DIAPH2: variants seen among roughly 807,000 people sequenced by gnomAD.
DIAPH2 encodes the protein diaphanous related formin 2, also known as protein diaphanous homolog 2.
DIAPH2 carries 35 observed loss-of-function variants against 92.7 expected under a neutral mutation model. The ratio of observed to expected loss-of-function variants is 0.38; its 90% CI spans 0.29 to 0.50. The LOEUF (loss-of-function observed/expected upper bound fraction) is 0.50. DIAPH2 is among the 20% of genes least tolerant of loss of function. The pLI is 0.94. For synonymous variants in DIAPH2, 301 were observed against 280.4 expected (o/e 1.07, Z -0.73); for missense variants, 701 against 819.5 (o/e 0.86, Z 1.77).
intron 21 of DIAPH2, among the ~76,000 whole-genome samples, chrX:97,120,312 G>A (rs887271665): frequency 3.6e-5 from 4 of 110,529 alleles, no homozygotes; most frequent in Admixed American, 1.9e-4. Flanking sequence ...CTAGACCTTC[G>A]GTTTCCCCAG....
intron 16 of DIAPH2, among the ~76,000 whole-genome samples, chrX:96,959,275 A>T (rs1284581193): frequency 1.8e-5 from 2 of 111,619 alleles, no homozygotes; most frequent in Admixed American, 1.9e-4. Flanking sequence ...TTTTCTCCAC[A>T]TCTTTGCCAG....
In DIAPH2 at chrX:97,042,967, G is replaced by A. The variant is rs769591465; in HGVS notation, c.2051-29974G>A. ...CTTAAAATATGTAGACATGAATACC[G>A]ATAGTTGAAAATTAACTTATTTAAC... On this transcript the variant is annotated intron_variant, in intron 17 of 26. Transcript: ENST00000324765. Among the ~76,000 whole-genome samples the A allele has an allele frequency of 7.2e-5, 8 of 111,790 alleles. No homozygotes were observed. The East Asian group carries it at 1.4e-3, about 20-fold the overall frequency.
At chrX:97,249,433 T>C (rs748241565) in intron 23 of DIAPH2, among the ~76,000 whole-genome samples, 7 of 112,086 alleles carry the variant, frequency 6.2e-5, no homozygotes, top group Non-Finnish European at 1.1e-4. Flanking sequence ...TGACTATTTG[T>C]CCACAAGGGG....
chrX:97,126,718 A>C (rs933354307), intron 21 of DIAPH2, among the ~76,000 whole-genome samples: 1 of 112,514 alleles, frequency 8.9e-6, no homozygotes, highest in Non-Finnish European at 1.9e-5. Flanking sequence ...ACTAACCACA[A>C]GACAAGAAAG....
chrX:97,200,394 G>C (rs777680822), intron 22 of DIAPH2, among the ~76,000 whole-genome samples: 1 of 23,374 alleles, frequency 4.3e-5, no homozygotes, highest in South Asian at 1.9e-3. Context: ...AAGTGGTCTC[G>C]CTCAGCAGGT....
intron 22 of DIAPH2, among the ~76,000 whole-genome samples, chrX:97,161,293 G>C (rs2067370823): frequency 9.0e-6 from 1 of 110,934 alleles, no homozygotes; most frequent in Non-Finnish European, 1.9e-5. Flanking sequence ...ATAAATATTA[G>C]ATGGATTATA....
chrX:96,781,096 C>A (rs964925601), intron 4 of DIAPH2, among the ~76,000 whole-genome samples: 2 of 111,420 alleles, frequency 1.8e-5, no homozygotes, highest in African/African-American at 6.5e-5. Context: ...GAGTGAGCCA[C>A]CGTGCCGGGC....
chrX:97,162,634 T>C (rs995285401), intron 22 of DIAPH2, among the ~76,000 whole-genome samples: 6 of 110,528 alleles, frequency 5.4e-5, no homozygotes, highest in Non-Finnish European at 1.1e-4. Context: ...GCCTACTGAG[T>C]AGCTGAGACT....
chrX:97,455,242 T>C (rs2070393911), intron 26 of DIAPH2, among the ~76,000 whole-genome samples: 2 of 112,178 alleles, frequency 1.8e-5, no homozygotes, highest in South Asian at 7.5e-4. Flanking sequence ...CAACAGCTAT[T>C]TGTCCTATTA....
chrX:97,178,321 G>GA (rs2067509709), intron 22 of DIAPH2, among the ~76,000 whole-genome samples: 1 of 109,871 alleles, frequency 9.1e-6, no homozygotes, highest in Non-Finnish European at 1.9e-5. Context: ...TTAAGATATG[G>GA]AAAAAAAGAT....
At chrX:96,776,201 T>C (rs2064376271) in intron 4 of DIAPH2, among the ~76,000 whole-genome samples, 1 of 110,736 alleles carries the variant, frequency 9.0e-6, no homozygotes, top group Non-Finnish European at 1.9e-5. Flanking sequence ...CCTTTTCTTC[T>C]TTTCTTTTCT....
intron 23 of DIAPH2, among the ~76,000 whole-genome samples, chrX:97,277,150 A>G (rs2068458392): frequency 8.9e-6 from 1 of 111,825 alleles, no homozygotes; most frequent in Admixed American, 9.5e-5. Context: ...CAGTCTGGCC[A>G]ACATGGGGAT....
chrX:97,162,892 C>T (rs1488974678), intron 22 of DIAPH2, among the ~76,000 whole-genome samples: 3 of 110,884 alleles, frequency 2.7e-5, no homozygotes, highest in Non-Finnish European at 5.7e-5. Context: ...TTTCTTAGAT[C>T]CTTATGAACA....
chrX:97,384,865 CAAAA>C (rs913248921), intron 25 of DIAPH2, among the ~76,000 whole-genome samples: 3 of 103,236 alleles, frequency 2.9e-5, no homozygotes, highest in Admixed American at 1.0e-4. Flanking sequence ...GACTGTATCT[CAAAA>C]AATAAATAAA....
chrX:96,903,634 G>A (rs829286), intron 5 of DIAPH2, among the ~76,000 whole-genome samples: 54,444 of 110,263 alleles, frequency 0.49, 10,337 homozygotes, highest in South Asian at 0.69. Context: ...CTTTCCCTTC[G>A]CTTCCCTTAT....
chrX:97,479,293 C>G (rs1385010020), intron 26 of DIAPH2, among the ~76,000 whole-genome samples: 1 of 109,328 alleles, frequency 9.1e-6, no homozygotes, highest in East Asian at 3.0e-4. Context: ...GCTTTCTACT[C>G]TAAAGGTATT....
chrX:97,191,132 C>G (rs1254352695), intron 22 of DIAPH2, among the ~76,000 whole-genome samples: 1 of 109,967 alleles, frequency 9.1e-6, no homozygotes. Flanking sequence ...AGTTCAAGAC[C>G]ATTCTGACCA....
chrX:97,107,701 T>C (rs5966975), intron 20 of DIAPH2, among the ~76,000 whole-genome samples: 2,073 of 112,056 alleles, frequency 0.018, 41 homozygotes, highest in African/African-American at 0.057. Flanking sequence ...TAGTCACAGA[T>C]ACAAAAGGAT....
intron 26 of DIAPH2, among the ~76,000 whole-genome samples, chrX:97,448,262 T>C (rs937684686): frequency 6.2e-5 from 7 of 112,234 alleles, no homozygotes; most frequent in African/African-American, 2.3e-4. Flanking sequence ...AAGTCAGAAA[T>C]TCAATATATA....
Sources: gnomAD v4.1 joint callset for allele counts (sites outside exome capture counted in the v4.1 genomes callset) on GRCh38, gnomAD v4.1.1 for gene constraint, MANE v1.5 for transcripts, NCBI Gene and HGNC (gene_info 2026-07-23, HGNC 2026-07-21) for gene names.